RSF1: variants seen among roughly 807,000 people sequenced by gnomAD.
The protein encoded by RSF1 is HBV pX-associated protein 8.
A neutral mutation model predicts 145.2 loss-of-function variants in RSF1; 13 were observed. That is an observed-to-expected ratio of 0.09 (90% CI 0.06 to 0.14). The LOEUF (loss-of-function observed/expected upper bound fraction) is 0.14. RSF1 is among the 10% of genes least tolerant of loss of function. RSF1 has a pLI of 1.00. For synonymous variants in RSF1, 577 were observed against 592.6 expected, an observed-to-expected ratio of 0.97 and a Z score of 0.38; for missense variants, 1,517 against 1,718.2, an observed-to-expected ratio of 0.88 and a Z score of 2.07.
the RSF1 span, among the ~76,000 whole-genome samples, chr11:77,862,967 C>G: frequency 1.3e-5 from 2 of 152,020 alleles, no homozygotes; most frequent in Non-Finnish European, 2.9e-5. Flanking sequence ...TTTGGAGGTC[C>G]CTTCATGGTT....
At chr11:77,742,957 T>C (rs959712081) in intron 3 of RSF1, among the ~76,000 whole-genome samples, 5 of 152,248 alleles carry the variant, frequency 3.3e-5, no homozygotes, top group Admixed American at 2.6e-4. Context: ...TTCTCCTGCA[T>C]GTGGATGACC....
At chr11:77,837,499 G>C in the RSF1 span, among the ~76,000 whole-genome samples, 1 of 152,086 alleles carries the variant, frequency 6.6e-6, no homozygotes, top group Non-Finnish European at 1.5e-5. Context: ...CTGTCACCCA[G>C]GCTGGAGTGC....
chr11:77,700,306 G>A (rs1960383969), intron 6 of RSF1, among the ~76,000 whole-genome samples: 2 of 122,630 alleles, frequency 1.6e-5, no homozygotes, highest in African/African-American at 3.1e-5. Flanking sequence ...AGCCGAGATA[G>A]TGCCATTGCA....
Position 77,667,281 on chromosome 11 carries a change from G to A in RSF1, c.3962C>T (p.Pro1321Leu). ...GACCCTAGGCTGGCTGTCACGGGCA[G>A]GCTGATTTGCATCTCCATGAGCATT... ...CDNAHGDANQ[P>L]ARDSQPRVLP... The change falls in exon 16 of 16, where the codon CCT becomes CTT. Residue 1321 changes from proline (P) to leucine (L), a missense_variant. By Grantham distance (98) the Pro-to-Leu change is moderately conservative (BLOSUM62 -3). Around this residue, in one of 12 missense-constraint regions of RSF1, gnomAD observed 240 missense variants for 231.8 expected, o/e 1.04. Transcript: ENST00000308488. The A allele has an allele frequency of 6.2e-7, 1 of 1,614,150 alleles. No homozygotes were observed. Among genetic ancestry groups the A allele is most frequent in the South Asian group, 1.1e-5 (1 of 91,074 alleles).
chr11:77,688,633 C>A (rs1960071186), intron 9 of RSF1, among the ~76,000 whole-genome samples: 1 of 152,078 alleles, frequency 6.6e-6, no homozygotes. Context: ...ATGGAAATAA[C>A]CCAAGGTTTA....
chr11:77,747,978 C>G (rs112794771), intron 2 of RSF1, among the ~76,000 whole-genome samples: 1 of 151,980 alleles, frequency 6.6e-6, no homozygotes, highest in Non-Finnish European at 1.5e-5. Context: ...AAGAGCATAA[C>G]GAGGGCCAAA....
At chr11:77,820,791 T>G, upstream of RSF1, 1 of 1,433,346 alleles carries the variant, frequency 7.0e-7, no homozygotes, top group Non-Finnish European at 9.3e-7. Flanking sequence ...AAGGCAACCT[T>G]ACAGACGACA....
intron 4 of RSF1, among the ~76,000 whole-genome samples, chr11:77,726,943 A>C (rs181491417): frequency 6.6e-6 from 1 of 152,340 alleles, no homozygotes; most frequent in East Asian, 1.9e-4. Flanking sequence ...GATTCTCTTG[A>C]GTATTACTAA....
the RSF1 span, among the ~76,000 whole-genome samples, chr11:77,827,296 G>A: frequency 1.3e-5 from 2 of 152,154 alleles, no homozygotes; most frequent in Non-Finnish European, 2.9e-5. Flanking sequence ...CTTATTCTGT[G>A]AGGACAGATT....
At chr11:77,776,117 AG>A (rs2135950355) in intron 1 of RSF1, among the ~76,000 whole-genome samples, 1 of 151,952 alleles carries the variant, frequency 6.6e-6, no homozygotes, top group Admixed American at 6.5e-5. Context: ...TGGGTTGCTG[AG>A]GGAGGAGGAC....
chr11:77,846,727 T>C, the RSF1 span, among the ~76,000 whole-genome samples: 1 of 152,178 alleles, frequency 6.6e-6, no homozygotes, highest in Non-Finnish European at 1.5e-5. Context: ...ATTAGTATCC[T>C]TTAGAAGTTC....
At chr11:77,727,339 G>T (rs948812098) in intron 4 of RSF1, among the ~76,000 whole-genome samples, 1 of 152,012 alleles carries the variant, frequency 6.6e-6, no homozygotes, top group African/African-American at 2.4e-5. Context: ...CGAATGGCTC[G>T]ATCTATTTAT....
At chr11:77,860,936 C>G in the RSF1 span, among the ~76,000 whole-genome samples, 1 of 152,118 alleles carries the variant, frequency 6.6e-6, no homozygotes, top group Admixed American at 6.6e-5. Flanking sequence ...TTCTATACCC[C>G]TAAAATTGGA....
At chr11:77,817,430 A>T (rs1948792177) in intron 1 of RSF1, among the ~76,000 whole-genome samples, 1 of 152,226 alleles carries the variant, frequency 6.6e-6, no homozygotes, top group Non-Finnish European at 1.5e-5. Flanking sequence ...TATCATCTAT[A>T]GAAATGTGGC....
At chr11:77,687,876 A>T (rs1960051749) in intron 9 of RSF1, among the ~76,000 whole-genome samples, 1 of 152,226 alleles carries the variant, frequency 6.6e-6, no homozygotes, top group Admixed American at 6.5e-5. Context: ...ATAGCATATG[A>T]GGCTGTTGTC....
chr11:77,664,180 A>C lies in RSF1; in HGVS notation c.*2737T>G, dbSNP rs1013263880. ...CTTTGAGGGACTGAATCTGAACTCC[A>C]AGCAGCAAAACCGTTTTTGCACTGC... On this transcript the variant is annotated 3_prime_UTR_variant, in exon 16 of 16. Transcript: ENST00000308488. 6.6e-6 allele frequency: 1 copy of C among 152,214 alleles called. No individual in the cohort carries two copies. Among genetic ancestry groups the C allele is most frequent in the Non-Finnish European group, 1.5e-5 (1 of 68,034 alleles). The allele number at this position is 152,214 out of a possible 1,614,324, so 9.4% of individuals were successfully genotyped here.
intron 1 of RSF1, among the ~76,000 whole-genome samples, chr11:77,773,325 C>A (rs1948307473): frequency 6.6e-6 from 1 of 151,826 alleles, no homozygotes; most frequent in Admixed American, 6.6e-5. Flanking sequence ...AATTACATGC[C>A]CAGCACTGCA....
chr11:77,745,765 A>G (rs1947993165), intron 3 of RSF1, among the ~76,000 whole-genome samples: 1 of 151,574 alleles, frequency 6.6e-6, no homozygotes, highest in Admixed American at 6.6e-5. Context: ...TGATTAGGGT[A>G]TAAGTCAGAT....
intron 7 of RSF1, among the ~76,000 whole-genome samples, chr11:77,697,213 G>A (rs1175198451): frequency 6.6e-6 from 1 of 151,884 alleles, no homozygotes; most frequent in African/African-American, 2.4e-5. Context: ...GGAAAAAAGA[G>A]GCTGGAGAAC....
Sources: gnomAD v4.1 joint callset for allele counts (sites outside exome capture counted in the v4.1 genomes callset) on GRCh38, gnomAD v4.1.1 for gene constraint, gnomAD v4.1.1 regional missense constraint, MANE v1.5 for transcripts, NCBI Gene and HGNC (gene_info 2026-07-23, HGNC 2026-07-21) for gene names.